IHO1: variants seen among roughly 807,000 people sequenced by gnomAD.
IHO1 encodes interactor of HORMAD1 1.
A neutral mutation model predicts 31.0 loss-of-function variants in IHO1; 13 were observed. That is an observed-to-expected ratio of 0.42 (90% confidence interval 0.27 to 0.67). The LOEUF (loss-of-function observed/expected upper bound fraction) is 0.67, where lower values mean the gene tolerates loss of function less well. Ranked by LOEUF, IHO1 falls within the 30% of genes least tolerant of loss-of-function variation. IHO1 has a pLI of 0.24. For synonymous variants in IHO1, 221 were observed against 248.4 expected (o/e 0.89, Z 1.04); for missense variants, 599 against 687.5 (o/e 0.87, Z 1.44).
At chr3:49,198,032 C>G (rs998004971), upstream of IHO1, among the ~76,000 whole-genome samples, 1 of 152,150 alleles carries the variant, frequency 6.6e-6, no homozygotes, top group Non-Finnish European at 1.5e-5. Flanking sequence ...TGCATTTTCT[C>G]GAATTTTATA....
chr3:49,217,904 A>G (rs1465700112), intron 2 of IHO1, among the ~76,000 whole-genome samples: 1 of 152,272 alleles, frequency 6.6e-6, no homozygotes, highest in African/African-American at 2.4e-5. Flanking sequence ...AATAGAGACC[A>G]GCCTGGGCAA....
intron 6 of IHO1, among the ~76,000 whole-genome samples, chr3:49,253,163 T>C (rs1432821313): frequency 6.6e-6 from 1 of 151,960 alleles, no homozygotes. Flanking sequence ...TGGTGGCTTA[T>C]GCCTGTAATC....
At chr3:49,205,650 G>A (rs2046126642) in intron 1 of IHO1, among the ~76,000 whole-genome samples, 1 of 151,542 alleles carries the variant, frequency 6.6e-6, no homozygotes, top group Admixed American at 6.6e-5. Context: ...CTGGAGTGTG[G>A]AGTACAGTGG....
At chr3:49,239,369 C>A (rs1282198559) in intron 3 of IHO1, among the ~76,000 whole-genome samples, 2 of 151,982 alleles carry the variant, frequency 1.3e-5, no homozygotes, top group Non-Finnish European at 2.9e-5. Context: ...ACAACCTCTG[C>A]CTCCCGGGTT....
chr3:49,205,417 C>T (rs971795514), intron 1 of IHO1, among the ~76,000 whole-genome samples: 1 of 151,290 alleles, frequency 6.6e-6, no homozygotes, highest in Non-Finnish European at 1.5e-5. Flanking sequence ...CTTCTGGTTT[C>T]AAGCGATTCT....
intron 1 of IHO1, among the ~76,000 whole-genome samples, chr3:49,210,140 C>A (rs1014299357): frequency 6.7e-6 from 1 of 149,234 alleles, no homozygotes; most frequent in Admixed American, 6.7e-5. Context: ...GTGATCCTGC[C>A]GCCTCAGCCT....
At chr3:49,221,228 T>C (rs2046352177) in intron 2 of IHO1, among the ~76,000 whole-genome samples, 2 of 152,188 alleles carry the variant, frequency 1.3e-5, no homozygotes, top group Admixed American at 6.5e-5. Context: ...GAGCGCTGAT[T>C]GGTGTATTTT....
intron 6 of IHO1, among the ~76,000 whole-genome samples, chr3:49,248,483 C>T (rs1185379646): frequency 1.3e-5 from 2 of 151,848 alleles, no homozygotes; most frequent in East Asian, 1.9e-4. Flanking sequence ...AATCCCAGCA[C>T]TTTGGGAGGC....
At chr3:49,228,208 G>A in intron 2 of IHO1, 1 of 364,722 alleles carries the variant, frequency 2.7e-6, no homozygotes, top group Non-Finnish European at 5.5e-6. Flanking sequence ...ACAGCCGCAG[G>A]GTCAACCAAC....
chr3:49,229,267 G>A lies in IHO1; in HGVS notation c.57-7281G>A, dbSNP rs1367993514. ...TGGCTTCACCTCTCAGTTTTATGCTGCACAAAAGCTGTGAGCCTTCTGCCT... is the reference window on the plus strand; with the variant it reads ...TGGCTTCACCTCTCAGTTTTATGCTACACAAAAGCTGTGAGCCTTCTGCCT... On this transcript the variant is annotated intron_variant, in intron 2 of 7. Transcript: ENST00000452691. 2.0e-5 allele frequency among the ~76,000 whole-genome samples: 3 copies of A among 152,214 alleles called. No homozygotes were observed. The East Asian group carries it at 5.8e-4, about 29-fold the overall frequency.
chr3:49,212,605 T>G (rs554133056), intron 2 of IHO1, among the ~76,000 whole-genome samples: 2 of 152,250 alleles, frequency 1.3e-5, no homozygotes, highest in South Asian at 4.1e-4. Flanking sequence ...TTTCACTGAC[T>G]TCAAGAATGA....
chr3:49,230,402 G>T (rs2046467280), intron 2 of IHO1, among the ~76,000 whole-genome samples: 1 of 152,140 alleles, frequency 6.6e-6, no homozygotes, highest in South Asian at 2.1e-4. Context: ...CCCCTTAGCT[G>T]AGCAAGACTG....
intron 1 of IHO1, among the ~76,000 whole-genome samples, chr3:49,210,697 CTTTTTT>C (rs768927173): frequency 7.6e-6 from 1 of 131,612 alleles, no homozygotes; most frequent in Non-Finnish European, 1.6e-5. Context: ...CTGCGCCCGG[CTTTTTT>C]TTTTTTTTTT....
At chr3:49,209,354 G>T (rs1471307206) in intron 1 of IHO1, among the ~76,000 whole-genome samples, 1 of 152,148 alleles carries the variant, frequency 6.6e-6, no homozygotes, top group African/African-American at 2.4e-5. Context: ...TGCATTTCTG[G>T]CTGGGCACAG....
At chr3:49,251,591 A>C (rs189931204) in intron 6 of IHO1, among the ~76,000 whole-genome samples, 1 of 149,864 alleles carries the variant, frequency 6.7e-6, no homozygotes, top group Non-Finnish European at 1.5e-5. Flanking sequence ...GACTTTACTT[A>C]GTTGTTGGTT....
chr3:49,249,904 G>T (rs1053744177), intron 6 of IHO1, among the ~76,000 whole-genome samples: 1 of 152,222 alleles, frequency 6.6e-6, no homozygotes, highest in African/African-American at 2.4e-5. Flanking sequence ...TGGCCATCCG[G>T]GGAAAAGCTT....
chr3:49,191,597 A>G, the IHO1 span: 1 of 853,450 alleles, frequency 1.2e-6, no homozygotes, highest in Non-Finnish European at 2.0e-6. Context: ...GGTGACCTCA[A>G]GATGGTGGAG....
At chr3:49,194,235 T>A (rs1302744615), upstream of IHO1, among the ~76,000 whole-genome samples, 12 of 139,160 alleles carry the variant, frequency 8.6e-5, no homozygotes, top group South Asian at 7.2e-4. Context: ...GCCATTACAC[T>A]CCAGTCTAGG....
At chr3:49,224,873 C>T (rs1221675679) in intron 2 of IHO1, among the ~76,000 whole-genome samples, 3 of 152,292 alleles carry the variant, frequency 2.0e-5, no homozygotes, top group South Asian at 4.1e-4. Flanking sequence ...TTTGAAGGGC[C>T]ATTCCCTCAA....
Sources: gnomAD v4.1 joint callset for allele counts (sites outside exome capture counted in the v4.1 genomes callset) on GRCh38, gnomAD v4.1.1 for gene constraint, MANE v1.5 for transcripts, NCBI Gene and HGNC (gene_info 2026-07-23, HGNC 2026-07-21) for gene names.